SGCD: variants seen among roughly 807,000 people sequenced by gnomAD.
SGCD encodes delta-sarcoglycan.
SGCD carries 18 observed loss-of-function variants against 36.6 expected under a neutral mutation model. The ratio of observed to expected loss-of-function variants is 0.49; its 90% CI spans 0.34 to 0.73. SGCD has a LOEUF of 0.73. SGCD is among the 30% of genes least tolerant of loss of function. The probability of loss-of-function intolerance (pLI) is 0.01; values close to 1 mark genes in which losing one functional copy is unlikely to be tolerated. For missense variants in SGCD, 387 were observed against 346.7 expected (o/e 1.12, Z -0.92); for synonymous variants, 133 against 130.6 (o/e 1.02, Z -0.12).
chr5:156,401,220 G>T (rs1316195440), intron 3 of SGCD, among the ~76,000 whole-genome samples: 2 of 152,162 alleles, frequency 1.3e-5, no homozygotes, highest in Non-Finnish European at 2.9e-5. Context: ...GCTATGGAAA[G>T]GGCAGCTATG....
intron 3 of SGCD, among the ~76,000 whole-genome samples, chr5:156,291,823 A>T (rs1345364536): frequency 6.6e-6 from 1 of 152,160 alleles, no homozygotes; most frequent in Non-Finnish European, 1.5e-5. Context: ...TTGTGGAGCT[A>T]AATAACATAT....
intron 3 of SGCD, among the ~76,000 whole-genome samples, chr5:156,445,789 C>G (rs1753731509): frequency 6.6e-6 from 1 of 151,990 alleles, no homozygotes; most frequent in Admixed American, 6.6e-5. Flanking sequence ...GTGATAACCC[C>G]AAAATATCAC....
intron 3 of SGCD, among the ~76,000 whole-genome samples, chr5:156,244,875 A>G (rs1438647117): frequency 1.3e-5 from 2 of 152,208 alleles, no homozygotes; most frequent in Admixed American, 6.6e-5. Flanking sequence ...AATTAGCAAC[A>G]TGTGGCCAAT....
intron 1 of SGCD, among the ~76,000 whole-genome samples, chr5:156,024,970 A>C (rs1277091495): frequency 6.6e-6 from 1 of 152,152 alleles, no homozygotes; most frequent in Non-Finnish European, 1.5e-5. Context: ...AAAAAAAAAA[A>C]AAGAAATGGC....
At chr5:156,403,716 G>C (rs566876540) in intron 3 of SGCD, among the ~76,000 whole-genome samples, 1 of 152,164 alleles carries the variant, frequency 6.6e-6, no homozygotes, top group Non-Finnish European at 1.5e-5. Context: ...TCTAGGCCTT[G>C]ATGTTCATCA....
chr5:156,233,638 A>G (rs922063725), intron 3 of SGCD, among the ~76,000 whole-genome samples: 7 of 152,186 alleles, frequency 4.6e-5, no homozygotes, highest in African/African-American at 1.7e-4. Flanking sequence ...ACTAAAAGGG[A>G]ACACGTGACC....
At chr5:156,001,632 T>A (rs1758665369) in intron 1 of SGCD, among the ~76,000 whole-genome samples, 1 of 152,254 alleles carries the variant, frequency 6.6e-6, no homozygotes, top group South Asian at 2.1e-4. Flanking sequence ...ACTGAACATC[T>A]AATTTGCTTG....
chr5:155,854,118 G>A, the SGCD span, among the ~76,000 whole-genome samples: 1 of 152,146 alleles, frequency 6.6e-6, no homozygotes, highest in Admixed American at 6.5e-5. Context: ...AGAGGTTTAT[G>A]GCATTATAAC....
intron 1 of SGCD, among the ~76,000 whole-genome samples, chr5:155,907,112 C>T (rs1462994128): frequency 3.4e-5 from 5 of 147,526 alleles, no homozygotes; most frequent in African/African-American, 1.2e-4. Context: ...ATCTACTCTG[C>T]CTGTGCTCTA....
intron 2 of SGCD, chr5:156,118,066 C>A (rs1761945426): frequency 6.6e-6 from 1 of 152,240 alleles, no homozygotes; most frequent in South Asian, 2.1e-4. Flanking sequence ...AATTTAATCA[C>A]CCATCTGTCT....
chr5:156,614,720 G>T (rs1374838912), intron 6 of SGCD, among the ~76,000 whole-genome samples: 1 of 152,070 alleles, frequency 6.6e-6, no homozygotes, highest in Non-Finnish European at 1.5e-5. Flanking sequence ...ATCTGTACTT[G>T]CCTCAAACTG....
At chr5:156,017,984 A>T (rs959173723) in intron 1 of SGCD, among the ~76,000 whole-genome samples, 2 of 151,872 alleles carry the variant, frequency 1.3e-5, no homozygotes, top group Non-Finnish European at 1.5e-5. Context: ...CCGTAGGGAG[A>T]CTCCATCTCT....
intron 7 of SGCD, among the ~76,000 whole-genome samples, chr5:156,691,070 G>T (rs1299095004): frequency 6.6e-6 from 1 of 151,904 alleles, no homozygotes; most frequent in Non-Finnish European, 1.5e-5. Context: ...AGCCAAGAGT[G>T]GTGGTGGGTG....
At chr5:156,352,343 A>G (rs1769302203) in intron 3 of SGCD, among the ~76,000 whole-genome samples, 1 of 152,206 alleles carries the variant, frequency 6.6e-6, no homozygotes. Context: ...GTAGATAGCA[A>G]AGTTTTCTGA....
chr5:156,081,931 A>G (rs971099732), intron 1 of SGCD, among the ~76,000 whole-genome samples: 2 of 152,158 alleles, frequency 1.3e-5, no homozygotes, highest in Admixed American at 6.5e-5. Flanking sequence ...AAAGGGGGAT[A>G]GGGAAATGTG....
intron 1 of SGCD, among the ~76,000 whole-genome samples, chr5:156,078,952 A>G (rs908185016): frequency 1.3e-5 from 2 of 149,784 alleles, no homozygotes; most frequent in Admixed American, 6.7e-5. Context: ...ACAGTTCTTC[A>G]TGTTGCCTTT....
At chr5:156,629,861 T>TA (rs931696845) in intron 6 of SGCD, among the ~76,000 whole-genome samples, 4 of 143,880 alleles carry the variant, frequency 2.8e-5, no homozygotes, top group Non-Finnish European at 6.2e-5. Context: ...TTTTCTTTTT[T>TA]TTTTTTTTTT....
intron 2 of SGCD, among the ~76,000 whole-genome samples, chr5:156,338,758 G>C (rs1257218562): frequency 6.6e-6 from 1 of 152,110 alleles, no homozygotes; most frequent in African/African-American, 2.4e-5. Flanking sequence ...GAGCCCTGAT[G>C]AGGCTACTGG....
chr5:156,266,045 A>T (rs111238637), intron 3 of SGCD, among the ~76,000 whole-genome samples: 1 of 152,340 alleles, frequency 6.6e-6, no homozygotes, highest in African/African-American at 2.4e-5. Context: ...CTTGTTAGAA[A>T]TATTGGAGTT....
Sources: allele counts gnomAD v4.1 joint callset (sites outside exome capture counted in the v4.1 genomes callset), GRCh38; gene constraint gnomAD v4.1.1; transcripts MANE v1.5; gene names NCBI Gene and HGNC (gene_info 2026-07-23, HGNC 2026-07-21).